The following PLCL1 variants were observed in gnomAD, a reference collection of about 807,000 sequenced individuals.
PLCL1 encodes phospholipase C like 1 (inactive), also known as inactive phospholipase C-like protein 1.
Under a neutral mutation model 84.4 loss-of-function variants are expected in PLCL1, and 41 were observed. That is an observed-to-expected ratio of 0.49 (90% CI 0.38 to 0.63). The LOEUF is 0.63. Ranked by LOEUF, PLCL1 falls within the 30% of genes least tolerant of loss-of-function variation. PLCL1 has a pLI of 0.00. For synonymous variants in PLCL1, 490 were observed against 488.3 expected (o/e 1.00, Z -0.05); for missense variants, 1,206 against 1,367.8 (o/e 0.88, Z 1.87).
At chr2:198,076,559 A>G (rs1692580154) in intron 1 of PLCL1, among the ~76,000 whole-genome samples, 1 of 152,156 alleles carries the variant, frequency 6.6e-6, no homozygotes, top group African/African-American at 2.4e-5. Flanking sequence ...ATCCTTACCA[A>G]TAAGGGACCC....
chr2:197,826,067 T>G (rs1690921955), intron 1 of PLCL1, among the ~76,000 whole-genome samples: 1 of 152,204 alleles, frequency 6.6e-6, no homozygotes. Flanking sequence ...CTGCCAGTAT[T>G]TCCTTCTCGG....
In PLCL1 at chr2:197,829,059, A is replaced by T. The variant is rs569516752; in HGVS notation, c.240+23720A>T. Among the ~76,000 whole-genome samples, 42 of 152,342 alleles carry T rather than the reference A, an allele frequency of 2.8e-4. No homozygotes were observed. In the South Asian group the frequency reaches 8.7e-3, roughly 32 times the overall value. On this transcript the variant is annotated intron_variant, in intron 1 of 5. Transcript: ENST00000428675. The stretch of plus-strand genomic sequence containing the variant: ...TTGCCAGACAAAATGCAAGGCATGC[A>T]GTCAAATTTGCATTCCAGATAAACA...
chr2:198,105,875 A>G (rs954653410), intron 5 of PLCL1, among the ~76,000 whole-genome samples: 1 of 151,974 alleles, frequency 6.6e-6, no homozygotes, highest in Non-Finnish European at 1.5e-5. Context: ...TCTGCTGCAC[A>G]TGAATTTTAG....
chr2:198,028,527 C>A (rs989855965), intron 1 of PLCL1, among the ~76,000 whole-genome samples: 5 of 152,188 alleles, frequency 3.3e-5, no homozygotes, highest in African/African-American at 1.2e-4. Flanking sequence ...TACTTTTACT[C>A]TTCAGACAGT....
intron 5 of PLCL1, among the ~76,000 whole-genome samples, chr2:198,113,758 T>C (rs967375509): frequency 6.6e-6 from 1 of 151,922 alleles, no homozygotes; most frequent in Non-Finnish European, 1.5e-5. Flanking sequence ...TGGGGAGTTC[T>C]AAAATTTCTG....
In PLCL1 at chr2:197,804,961, G is replaced by GCCGCCT; in HGVS notation, c.-134_-133insTCCGCC. 9.3e-7 allele frequency: 1 copy of GCCGCCT among 1,080,264 alleles called. No individual in the cohort carries two copies. Among genetic ancestry groups the GCCGCCT allele is most frequent in the Non-Finnish European group, 1.3e-6 (1 of 786,844 alleles). The allele number at this position is 1,080,264 out of a possible 1,614,324, so 66.9% of individuals were successfully genotyped here. The stretch of plus-strand genomic sequence containing the variant: ...GAAAGTTGCCGCCGCCGCCGCCGCC[G>GCCGCCT]CCGCCACTGCCGCCGCTGGGCGGTG... On this transcript the variant is annotated 5_prime_UTR_variant, in exon 1 of 6. Transcript: ENST00000428675.
chr2:198,110,109 CTATT>C (rs1280844352), intron 5 of PLCL1, among the ~76,000 whole-genome samples: 1 of 151,750 alleles, frequency 6.6e-6, no homozygotes, highest in Non-Finnish European at 1.5e-5. Flanking sequence ...ATGAATATAA[CTATT>C]ACCTCTTCAA....
In PLCL1 at chr2:198,149,268, A is replaced by G. The variant is rs867412177; in HGVS notation, c.*2306A>G. On this transcript the variant is annotated 3_prime_UTR_variant, in exon 6 of 6. Coordinates refer to ENST00000428675, the MANE Select transcript of PLCL1 (RefSeq NM_006226.4). ...CCTTTCTAGACTTGAACTGTGGTAGAAAAAGCCCCCTTCTCTCTTCTATCT... is the reference window on the plus strand; with the variant it reads ...CCTTTCTAGACTTGAACTGTGGTAGGAAAAGCCCCCTTCTCTCTTCTATCT... The G allele has an allele frequency of 3.3e-5, 5 of 152,326 alleles. No individual in the cohort carries two copies. The highest frequency in any genetic ancestry group is 1.3e-4 in the Admixed American group (2 of 15,272). The allele number at this position is 152,326 out of a possible 1,614,324, so 9.4% of individuals were successfully genotyped here.
At chr2:198,123,931 G>A (rs1210797190) in intron 5 of PLCL1, among the ~76,000 whole-genome samples, 1 of 152,084 alleles carries the variant, frequency 6.6e-6, no homozygotes, top group Non-Finnish European at 1.5e-5. Flanking sequence ...TGTATTCCAT[G>A]AAACCAGTAC....
At chr2:197,945,245 A>G (rs1197728796) in intron 1 of PLCL1, among the ~76,000 whole-genome samples, 1 of 152,184 alleles carries the variant, frequency 6.6e-6, no homozygotes, top group Non-Finnish European at 1.5e-5. Context: ...TGAACTTAAA[A>G]GATGCGGGGA....
intron 1 of PLCL1, among the ~76,000 whole-genome samples, chr2:197,841,405 T>C (rs1574907695): frequency 6.6e-6 from 1 of 152,206 alleles, no homozygotes; most frequent in Non-Finnish European, 1.5e-5. Context: ...CAACCACTAG[T>C]CTTTTCACTG....
At chr2:198,083,395 TA>T (rs536591720) in intron 1 of PLCL1, among the ~76,000 whole-genome samples, 170 of 152,262 alleles carry the variant, frequency 1.1e-3, no homozygotes, top group African/African-American at 3.9e-3. Flanking sequence ...AGGAAACCTT[TA>T]AAAAAATACA....
At chr2:197,924,822 A>C (rs530224876) in intron 1 of PLCL1, among the ~76,000 whole-genome samples, 5 of 152,100 alleles carry the variant, frequency 3.3e-5, no homozygotes, top group Non-Finnish European at 7.3e-5. Context: ...CAGGTATTAC[A>C]TCTAGAGTTT....
intron 1 of PLCL1, among the ~76,000 whole-genome samples, chr2:197,934,710 A>G (rs1689015817): frequency 6.6e-6 from 1 of 152,292 alleles, no homozygotes; most frequent in South Asian, 2.1e-4. Flanking sequence ...ATGTTTTCAT[A>G]TATGTATATG....
chr2:197,810,333 T>C, intron 1 of PLCL1: 1 of 1,120,614 alleles, frequency 8.9e-7, no homozygotes, highest in Non-Finnish European at 1.2e-6. Context: ...GTAAAGAGCT[T>C]TGTCTTACTT....
rs958029684 is a variant in PLCL1, at chr2:198,126,870, A to G, written c.3106-19910A>G. 2.6e-5 allele frequency among the ~76,000 whole-genome samples: 4 copies of G among 151,838 alleles called. No individual in the cohort carries two copies. The South Asian group carries it at 6.3e-4, about 24-fold the overall frequency. On this transcript the variant is annotated intron_variant, in intron 5 of 5. Transcript: ENST00000428675. ...GTGAGACATGATTGCACCTCTGCAC[A>G]TCGGCCTGTGTGACAGAGTGAGACC... is the stretch of plus-strand genomic sequence containing the variant.
chr2:198,142,981 G>C (rs185749184), intron 5 of PLCL1, among the ~76,000 whole-genome samples: 37 of 152,026 alleles, frequency 2.4e-4, no homozygotes, highest in African/African-American at 8.9e-4. Flanking sequence ...TAGTATACAA[G>C]AGGTGTTTCC....
intron 1 of PLCL1, among the ~76,000 whole-genome samples, chr2:197,933,206 T>G (rs1243974724): frequency 1.3e-5 from 2 of 151,978 alleles, no homozygotes; most frequent in African/African-American, 4.8e-5. Flanking sequence ...TCTCTTTTTC[T>G]CTTTCTTTTA....
At chr2:197,984,775 TG>T (rs113119697) in intron 1 of PLCL1, among the ~76,000 whole-genome samples, 4,589 of 152,306 alleles carry the variant, frequency 0.03, 243 homozygotes, top group African/African-American at 0.1. Context: ...GAAATCGGCC[TG>T]TTATTACTTC....
Sources: allele counts gnomAD v4.1 joint callset (sites outside exome capture counted in the v4.1 genomes callset), GRCh38; gene constraint gnomAD v4.1.1; transcripts MANE v1.5; gene names NCBI Gene and HGNC (gene_info 2026-07-23, HGNC 2026-07-21).